The following SLC17A6 variants were observed in gnomAD, a reference collection of about 807,000 sequenced individuals.
SLC17A6 encodes the protein vesicular glutamate transporter 2.
In SLC17A6, 35 loss-of-function variants were observed where a neutral mutation model predicts 67.1. That is an observed-to-expected ratio of 0.52 (90% CI 0.40 to 0.69). The LOEUF is 0.69. Among genes scored for constraint, SLC17A6 ranks in the 30% least tolerant of loss-of-function variants. The pLI is 0.00. For missense variants in SLC17A6, 588 were observed against 723.9 expected, an observed-to-expected ratio of 0.81 and a Z score of 2.15; for synonymous variants, 285 against 252.3, an observed-to-expected ratio of 1.13 and a Z score of -1.23.
Position 22,364,610 on chromosome 11 carries a change from GTATGGTGTTAGGAAACCC to G in SLC17A6, c.749-935_749-918del, listed in dbSNP as rs139577560. ...AGGAACACAGCTCATCAGAAGCTAT[GTATGGTGTTAGGAAACCC>G]TTCTTGGAGATTGAACAGGCCAAAG... On this transcript the variant is annotated intron_variant, in intron 6 of 11. Transcript: ENST00000263160. Among the ~76,000 whole-genome samples the G allele has an allele frequency of 0.011, 1,706 of 152,230 alleles. 43 individuals are homozygous for G. In the East Asian group the frequency reaches 0.12, roughly 11 times the overall value.
intron 3 of SLC17A6, among the ~76,000 whole-genome samples, chr11:22,352,042 A>G (rs1855944980): frequency 6.9e-6 from 1 of 145,906 alleles, no homozygotes. Flanking sequence ...TATATTAAGT[A>G]TTAATGAATG....
At chr11:22,375,904 G>C (rs953703707) in intron 9 of SLC17A6, 78 bp from the exon 10 acceptor site, 9 of 866,044 alleles carry the variant, frequency 1.0e-5, no homozygotes, top group Non-Finnish European at 7.4e-6. Context: ...TCAATAAGTT[G>C]GAACATTTTT....
chr11:22,375,542 A>G (rs1327692978), intron 9 of SLC17A6, among the ~76,000 whole-genome samples: 1 of 151,390 alleles, frequency 6.6e-6, no homozygotes, highest in Non-Finnish European at 1.5e-5. Flanking sequence ...GTGCGATGGC[A>G]TGATCTCGGC....
intron 3 of SLC17A6, among the ~76,000 whole-genome samples, chr11:22,347,981 A>G (rs1265610871): frequency 6.6e-6 from 1 of 152,200 alleles, no homozygotes; most frequent in Non-Finnish European, 1.5e-5. Context: ...TAAGACACTT[A>G]GGATCACACT....
chr11:22,361,515 T>C (rs1356982827), intron 5 of SLC17A6, among the ~76,000 whole-genome samples: 1 of 152,110 alleles, frequency 6.6e-6, no homozygotes, highest in Non-Finnish European at 1.5e-5. Flanking sequence ...ATAACTATTA[T>C]AATTTAAATT....
Position 22,339,181 on chromosome 11 carries a change from T to TATATATGTTATATATATATGTTTTA in SLC17A6, c.86+562_86+563insATATATGTTATATATATATGTTTTA, listed in dbSNP as rs1554942804. Among the ~76,000 whole-genome samples, 6 of 82,810 alleles carry TATATATGTTATATATATATGTTTTA rather than the reference T, an allele frequency of 7.2e-5. 1 individual carries two copies. The East Asian group carries it at 1.7e-3, about 24-fold the overall frequency. The allele number at this position is 82,810 out of a possible 152,430, so 54.3% of individuals were successfully genotyped here. A position where few individuals can be genotyped will look rare whatever the true frequency, so the allele number is the denominator to read the frequency against. ...TATATATATGTTATATATATATGTTTTATATATATATATATATATATATGT... is the reference window on the plus strand; with the variant it reads ...TATATATATGTTATATATATATGTTTATATATGTTATATATATATGTTTTATATATATATATATATATATATATGT... On this transcript the variant is annotated intron_variant, in intron 1 of 11. Coordinates refer to ENST00000263160, the MANE Select transcript of SLC17A6 (RefSeq NM_020346.3).
At chr11:22,354,143 G>T (rs1187903082) in intron 3 of SLC17A6, among the ~76,000 whole-genome samples, 4 of 151,896 alleles carry the variant, frequency 2.6e-5, no homozygotes, top group East Asian at 3.9e-4. Flanking sequence ...GAGTGCAGTG[G>T]CACGATCTCA....
chr11:22,357,209 T>A (rs2133867642), intron 3 of SLC17A6, among the ~76,000 whole-genome samples: 1 of 152,348 alleles, frequency 6.6e-6, no homozygotes, highest in East Asian at 1.9e-4. Flanking sequence ...CATTGGTATA[T>A]GTTTTAATGG....
At chr11:22,342,910 C>T (rs535621252) in intron 2 of SLC17A6, 4 of 476,444 alleles carry the variant, frequency 8.4e-6, no homozygotes, top group African/African-American at 7.8e-5. Flanking sequence ...GTCTCCACAT[C>T]TGGCTAACAA....
intron 8 of SLC17A6, among the ~76,000 whole-genome samples, chr11:22,373,339 G>A (rs1856194680): frequency 6.6e-6 from 1 of 152,106 alleles, no homozygotes; most frequent in South Asian, 2.1e-4. Flanking sequence ...GTGTCTTTCA[G>A]AATGTTTTTG....
intron 1 of SLC17A6, 104 bp downstream of exon 1, chr11:22,338,723 A>G: frequency 2.3e-6 from 2 of 852,760 alleles, no homozygotes; most frequent in Non-Finnish European, 3.8e-6. Context: ...ATATGATCGG[A>G]AAGTCTTTTT....
At chr11:22,343,445 A>C in intron 3 of SLC17A6, 80 bp downstream of exon 3, 2 of 1,257,294 alleles carry the variant, frequency 1.6e-6, no homozygotes, top group South Asian at 1.3e-5. Flanking sequence ...GAGCAGAGAC[A>C]ACAGCCCAGA....
intron 3 of SLC17A6, among the ~76,000 whole-genome samples, chr11:22,350,162 A>C (rs1764567775): frequency 6.6e-6 from 1 of 152,162 alleles, no homozygotes; most frequent in Non-Finnish European, 1.5e-5. Context: ...ATTGAATGCT[A>C]ATCATCAGGC....
intron 1 of SLC17A6, among the ~76,000 whole-genome samples, chr11:22,339,046 C>T (rs1855771196): frequency 7.3e-6 from 1 of 136,552 alleles, no homozygotes; most frequent in Non-Finnish European, 1.6e-5. Context: ...CCAAGAAATT[C>T]CAAAGAGTAA....
At chr11:22,357,321 G>A (rs1364628348) in intron 3 of SLC17A6, among the ~76,000 whole-genome samples, 4 of 152,190 alleles carry the variant, frequency 2.6e-5, no homozygotes, top group African/African-American at 4.8e-5. Context: ...AGTCGAATAA[G>A]CACTCATTAA....
Position 22,360,486 on chromosome 11 carries a change from T to A in SLC17A6, c.574-411T>A, listed in dbSNP as rs566043179. On this transcript the variant is annotated intron_variant, in intron 4 of 11. Coordinates refer to ENST00000263160, the MANE Select transcript of SLC17A6 (RefSeq NM_020346.3). ...ACATGTACCCCAGAACTTAAAAAAA[T>A]AATAATAATAAAAAACGAAACCAAA... Among the ~76,000 whole-genome samples the A allele has an allele frequency of 2.5e-3, 355 of 144,764 alleles. 2 individuals carry two copies. The highest frequency in any genetic ancestry group is 6.0e-3 in the African/African-American group (236 of 39,286). The allele number at this position is 144,764 out of a possible 152,430, so 95.0% of individuals were successfully genotyped here. A position where few individuals can be genotyped will look rare whatever the true frequency, so the allele number is the denominator to read the frequency against.
rs1241044790 is a variant in SLC17A6, at chr11:22,354,951, G to A, written c.459-4462G>A. ...TTATGAATTTATTGTCATATGTCAA[G>A]CATCAGACTAAGTCCTTTAGGTACA... On this transcript the variant is annotated intron_variant, in intron 3 of 11. Coordinates refer to ENST00000263160, the MANE Select transcript of SLC17A6 (RefSeq NM_020346.3). Among the ~76,000 whole-genome samples, 6 of 152,250 alleles carry A rather than the reference G, an allele frequency of 3.9e-5. No individual in the cohort carries two copies. The South Asian group carries it at 1.0e-3, about 26-fold the overall frequency.
At chr11:22,343,398 G>A (rs199910056) in intron 3 of SLC17A6, 33 bp downstream of exon 3, 1 of 1,560,724 alleles carries the variant, frequency 6.4e-7, no homozygotes, top group Non-Finnish European at 8.7e-7. Flanking sequence ...GGCTCGGGGC[G>A]TGGTGTTTGT....
intron 3 of SLC17A6, among the ~76,000 whole-genome samples, chr11:22,350,604 C>A (rs1005647370): frequency 7.9e-5 from 12 of 152,106 alleles, no homozygotes; most frequent in African/African-American, 2.9e-4. Flanking sequence ...ATTTCTATGT[C>A]TTTTCTTAAG....
Sources: gnomAD v4.1 joint callset for allele counts (sites outside exome capture counted in the v4.1 genomes callset) on GRCh38, gnomAD v4.1.1 for gene constraint, MANE v1.5 for transcripts, NCBI Gene and HGNC (gene_info 2026-07-23, HGNC 2026-07-21) for gene names.